Variants in SCFD1 observed in about 807,000 individuals in gnomAD.
SCFD1 encodes sec1 family domain containing 1, also known as sec1 family domain-containing protein 1.
A neutral mutation model predicts 103.2 loss-of-function variants in SCFD1; 37 were observed. The observed-to-expected ratio is 0.36, with a 90% CI of 0.28 to 0.47. The LOEUF (loss-of-function observed/expected upper bound fraction) is 0.47. Ranked by LOEUF, SCFD1 falls within the 20% of genes least tolerant of loss-of-function variation. SCFD1 has a pLI of 1.00. For missense variants in SCFD1, 639 were observed against 761.2 expected (o/e 0.84, Z 1.89); for synonymous variants, 264 against 245.0 (o/e 1.08, Z -0.73).
chr14:30,666,592 A>T (rs1207779216), intron 10 of SCFD1, among the ~76,000 whole-genome samples: 2 of 151,442 alleles, frequency 1.3e-5, no homozygotes, highest in African/African-American at 2.4e-5. Flanking sequence ...AAACCCTTCA[A>T]AAAAATCAAT....
At chr14:30,729,273 T>A (rs753231607) in intron 23 of SCFD1, among the ~76,000 whole-genome samples, 1 of 152,116 alleles carries the variant, frequency 6.6e-6, no homozygotes, top group African/African-American at 2.4e-5. Context: ...TCTCTTTTTT[T>A]CTTTTGTTGC....
intron 14 of SCFD1, among the ~76,000 whole-genome samples, chr14:30,684,174 T>A (rs533790433): frequency 1.3e-5 from 2 of 152,358 alleles, no homozygotes; most frequent in South Asian, 4.1e-4. Flanking sequence ...TGTACTTACC[T>A]GTACTTCTCA....
intron 4 of SCFD1, 130 bp downstream of exon 4, chr14:30,634,167 C>T: frequency 1.7e-6 from 1 of 586,892 alleles, no homozygotes; most frequent in South Asian, 2.2e-5. Context: ...ATTTTTGAGA[C>T]TATCTTTGAA....
At position 30,716,303 on chromosome 14, in the gene SCFD1, A is replaced by G. The variant is rs115662403; in HGVS notation, c.1683+326A>G. 5.2e-3 allele frequency among the ~76,000 whole-genome samples: 786 copies of G among 152,368 alleles called. 8 individuals are homozygous for G. Among genetic ancestry groups the G allele is most frequent in the African/African-American group, 0.017 (722 of 41,588 alleles). On this transcript the variant is annotated intron_variant, in intron 20 of 24. Transcript: ENST00000458591. ...AAAGAACCAGTGAGCATCTGTTGAT[A>G]TAGTATAAAGAGTACCAAACCAATT... is the stretch of plus-strand genomic sequence containing the variant.
At chr14:30,707,961 A>T in intron 18 of SCFD1, 29 bp from the exon 19 acceptor site, 1 of 1,494,698 alleles carries the variant, frequency 6.7e-7, no homozygotes, top group Non-Finnish European at 9.3e-7. Flanking sequence ...TTGTACTTAG[A>T]ATGGTCCTTC....
intron 2 of SCFD1, 133 bp downstream of exon 2, chr14:30,628,412 A>G (rs563422337): frequency 1.1e-4 from 63 of 592,192 alleles, no homozygotes; most frequent in East Asian, 6.4e-4. Flanking sequence ...CTTATTTAAC[A>G]TGATCTCTTA....
chr14:30,679,913 C>G (rs1257953447), intron 14 of SCFD1, among the ~76,000 whole-genome samples: 1 of 152,122 alleles, frequency 6.6e-6, no homozygotes, highest in Admixed American at 6.5e-5. Context: ...TCAGAAAGTT[C>G]ACAGTGGATG....
intron 10 of SCFD1, among the ~76,000 whole-genome samples, chr14:30,657,516 G>A (rs230341): frequency 0.011 from 1,720 of 152,290 alleles, 31 homozygotes; most frequent in African/African-American, 0.039. Flanking sequence ...GGTGAAAGTA[G>A]ATGGTAGAGT....
chr14:30,666,925 A>C (rs190501165), intron 10 of SCFD1, among the ~76,000 whole-genome samples: 28 of 150,212 alleles, frequency 1.9e-4, no homozygotes, highest in East Asian at 3.9e-4. Flanking sequence ...CTACCAACCC[A>C]AAAAAAAAGT....
At chr14:30,625,605 G>GTATAGGTATATAGGCA (rs74438147) in intron 1 of SCFD1, among the ~76,000 whole-genome samples, 13,487 of 60,342 alleles carry the variant, frequency 0.22, 2,656 homozygotes, top group East Asian at 0.57. Context: ...TTTGTTATAG[G>GTATAGGTATATAGGCA]TATAGGTATA....
intron 19 of SCFD1, chr14:30,715,616 G>A (rs1308290091): frequency 5.4e-6 from 1 of 185,376 alleles, no homozygotes; most frequent in Non-Finnish European, 1.1e-5. Context: ...ACAAAAGCTT[G>A]CAGTTACTAG....
At chr14:30,705,994 T>A in intron 18 of SCFD1, 109 bp downstream of exon 18, 1 of 806,710 alleles carries the variant, frequency 1.2e-6, no homozygotes, top group Non-Finnish European at 2.0e-6. Flanking sequence ...AATGTCACCA[T>A]GCCTTTGGTG....
chr14:30,673,262 TC>T lies in SCFD1; in HGVS notation c.1004del (p.Pro335GlnfsTer11). 6.3e-7 allele frequency: 1 copy of T among 1,582,724 alleles called. No homozygotes were observed. Among genetic ancestry groups the T allele is most frequent in the Non-Finnish European group, 8.6e-7 (1 of 1,159,586 alleles). On this transcript the variant is annotated frameshift_variant, in exon 12 of 25. Coordinates refer to ENST00000458591, the MANE Select transcript of SCFD1 (RefSeq NM_016106.4). LOFTEE classifies it high-confidence loss of function. ...KFWQKHKGSPFPEVAESVQQE... is the reference protein window; with the variant it reads ...KFWQKHKGSPXPEVAESVQQE... ...CTTGTGCAATACTGTTTTAGTCCAT[TC>T]CCAGAAGTTGCAGAATCAGTTCAGC...
intron 23 of SCFD1, among the ~76,000 whole-genome samples, chr14:30,726,811 A>C (rs1041856672): frequency 2.0e-5 from 3 of 152,128 alleles, no homozygotes; most frequent in Non-Finnish European, 4.4e-5. Context: ...TAGGTCATTA[A>C]GTCGTCTTGC....
At chr14:30,711,267 C>G (rs1891848560) in intron 19 of SCFD1, among the ~76,000 whole-genome samples, 1 of 152,198 alleles carries the variant, frequency 6.6e-6, no homozygotes, top group African/African-American at 2.4e-5. Flanking sequence ...TACACAGTTG[C>G]AATGTCTGGC....
At chr14:30,682,678 G>T (rs1166190182) in intron 14 of SCFD1, among the ~76,000 whole-genome samples, 1 of 152,248 alleles carries the variant, frequency 6.6e-6, no homozygotes, top group East Asian at 1.9e-4. Context: ...TTATAATGCA[G>T]CATTACTGGT....
intron 1 of SCFD1, 170 bp downstream of exon 1, chr14:30,622,569 A>T (rs1882955311): frequency 1.7e-6 from 2 of 1,185,376 alleles, no homozygotes; most frequent in African/African-American, 1.5e-5. Context: ...TAGCTTGAGG[A>T]CTCGGTTCCT....
intron 21 of SCFD1, 110 bp downstream of exon 21, chr14:30,719,487 T>G: frequency 2.8e-6 from 2 of 722,534 alleles, no homozygotes; most frequent in South Asian, 3.3e-5. Context: ...TATGGAAAAC[T>G]CGTAAGGAAA....
chr14:30,666,240 G>T (rs977233530), intron 10 of SCFD1, among the ~76,000 whole-genome samples: 1 of 152,162 alleles, frequency 6.6e-6, no homozygotes, highest in Non-Finnish European at 1.5e-5. Flanking sequence ...TAGAACTCAG[G>T]ATTAAGAAAC....
Sources: gnomAD v4.1 joint callset for allele counts (sites outside exome capture counted in the v4.1 genomes callset) on GRCh38, gnomAD v4.1.1 for gene constraint, MANE v1.5 for transcripts, NCBI Gene and HGNC (gene_info 2026-07-23, HGNC 2026-07-21) for gene names.